ZEB1: variants seen among roughly 807,000 people sequenced by gnomAD.
ZEB1 encodes zinc finger E-box-binding homeobox 1.
In ZEB1, 21 loss-of-function variants were observed where a neutral mutation model predicts 84.9. The ratio of observed to expected loss-of-function variants is 0.25; its 90% confidence interval spans 0.18 to 0.36. The LOEUF (loss-of-function observed/expected upper bound fraction) is 0.36. ZEB1 is among the 10% of genes least tolerant of loss of function. ZEB1 has a pLI of 1.00. For missense variants in ZEB1, 1,104 were observed against 1,330.2 expected (o/e 0.83, Z 2.65); for synonymous variants, 420 against 471.1 (o/e 0.89, Z 1.41).
intron 1 of ZEB1, among the ~76,000 whole-genome samples, chr10:31,334,883 C>T (rs997807692): frequency 2.6e-5 from 4 of 152,056 alleles, no homozygotes; most frequent in Non-Finnish European, 5.9e-5. Flanking sequence ...GAAAAATATT[C>T]TTACAAAGAA....
At chr10:31,475,218 GA>G (rs201712107) in intron 2 of ZEB1, among the ~76,000 whole-genome samples, 14,961 of 138,634 alleles carry the variant, frequency 0.11, 2,162 homozygotes, top group African/African-American at 0.34. Context: ...AATAATAAAA[GA>G]AAAAAAAAAA....
intron 4 of ZEB1, among the ~76,000 whole-genome samples, chr10:31,508,082 C>T (rs1827172750): frequency 6.6e-6 from 1 of 152,030 alleles, no homozygotes; most frequent in Non-Finnish European, 1.5e-5. Context: ...CCGTGATTTC[C>T]TCGTTGGCTT....
At chr10:31,325,681 A>G (rs2035318305) in intron 1 of ZEB1, among the ~76,000 whole-genome samples, 1 of 151,892 alleles carries the variant, frequency 6.6e-6, no homozygotes, top group Non-Finnish European at 1.5e-5. Context: ...TCAGATTTAA[A>G]ATTAAATGTG....
chr10:31,479,051 A>T (rs2138371952), intron 2 of ZEB1, among the ~76,000 whole-genome samples: 1 of 151,916 alleles, frequency 6.6e-6, no homozygotes, highest in South Asian at 2.1e-4. Context: ...ATTTATAAGG[A>T]AAAGGGTACA....
At chr10:31,380,168 C>A (rs986803199) in intron 1 of ZEB1, among the ~76,000 whole-genome samples, 1 of 151,720 alleles carries the variant, frequency 6.6e-6, no homozygotes, top group Non-Finnish European at 1.5e-5. Context: ...CACCCCCAAA[C>A]CCCCTTCTTC....
In ZEB1 at chr10:31,392,321, A is replaced by G. The variant is rs1590762442; in HGVS notation, c.59-68716A>G. Among the ~76,000 whole-genome samples the G allele has an allele frequency of 2.0e-5, 3 of 152,318 alleles. No individual in the cohort carries two copies. The East Asian group carries it at 5.8e-4, about 29-fold the overall frequency. ...AACTAAAACTCAAGAAAATAGGTGA[A>G]TAATGTTATTTTTATATTTCCAGAA... On this transcript the variant is annotated intron_variant, in intron 1 of 8. Coordinates refer to ENST00000424869, the MANE Select transcript of ZEB1 (RefSeq NM_001174096.2).
intron 2 of ZEB1, among the ~76,000 whole-genome samples, chr10:31,462,327 A>G (rs2061911685): frequency 6.6e-6 from 1 of 152,164 alleles, no homozygotes; most frequent in Non-Finnish European, 1.5e-5. Flanking sequence ...CCATTCAGCA[A>G]CCTCTGTAGA....
rs1045518265 is a variant in ZEB1 at position 31,386,763 on chromosome 10, C to T, written c.58+67471C>T. Reference sequence around the variant, plus strand: ...AAATACAAAGGGAGGACAGAATTTCCGCTGGCTCTAACCCATTGCTTTTTA... The same window carrying T: ...AAATACAAAGGGAGGACAGAATTTCTGCTGGCTCTAACCCATTGCTTTTTA... On this transcript the variant is annotated intron_variant, in intron 1 of 8. Transcript: ENST00000424869. 3.3e-5 allele frequency among the ~76,000 whole-genome samples: 5 copies of T among 152,224 alleles called. No homozygotes were observed. In the East Asian group the frequency reaches 7.7e-4, roughly 23 times the overall value.
intron 1 of ZEB1, among the ~76,000 whole-genome samples, chr10:31,390,352 C>T (rs1254491804): frequency 2.0e-5 from 3 of 152,094 alleles, no homozygotes; most frequent in African/African-American, 4.8e-5. Flanking sequence ...AAAAATCAGC[C>T]TGTAAACTAG....
chr10:31,406,506 G>A (rs753908032), intron 1 of ZEB1, among the ~76,000 whole-genome samples: 2 of 151,574 alleles, frequency 1.3e-5, no homozygotes, highest in Non-Finnish European at 2.9e-5. Flanking sequence ...TTTGAGAAGT[G>A]TCTGTTAATA....
At chr10:31,339,131 T>G (rs1164739072) in intron 1 of ZEB1, among the ~76,000 whole-genome samples, 2 of 152,156 alleles carry the variant, frequency 1.3e-5, no homozygotes, top group Non-Finnish European at 2.9e-5. Context: ...GAGCATTTAC[T>G]GTAGAAGTTC....
intron 2 of ZEB1, among the ~76,000 whole-genome samples, chr10:31,495,084 A>G (rs973415840): frequency 1.3e-5 from 2 of 152,048 alleles, no homozygotes; most frequent in Admixed American, 1.3e-4. Context: ...AGTGTGATGG[A>G]AAGTGGGCTT....
intron 1 of ZEB1, among the ~76,000 whole-genome samples, chr10:31,383,117 C>G (rs934996224): frequency 3.3e-4 from 50 of 151,412 alleles, no homozygotes; most frequent in African/African-American, 1.2e-3. Flanking sequence ...AAATGCCCAG[C>G]TTAAAAACTA....
intron 1 of ZEB1, among the ~76,000 whole-genome samples, chr10:31,350,538 C>T (rs1160561477): frequency 6.6e-6 from 1 of 152,156 alleles, no homozygotes; most frequent in African/African-American, 2.4e-5. Flanking sequence ...TAAATCTCAA[C>T]AGCACTCACC....
chr10:31,509,498 A>C (rs557059532), intron 4 of ZEB1, among the ~76,000 whole-genome samples: 1 of 152,208 alleles, frequency 6.6e-6, no homozygotes, highest in African/African-American at 2.4e-5. Flanking sequence ...TTACCTCATT[A>C]TTTTGGTTTT....
In ZEB1 at chr10:31,321,134, C is replaced by T. The variant is rs1040100297; in HGVS notation, c.58+1842C>T. The T allele has an allele frequency of 4.5e-5, 47 of 1,033,300 alleles. No individual in the cohort carries two copies. The East Asian group carries it at 3.8e-3, about 83-fold the overall frequency. 64.0% of individuals were successfully genotyped at this position (1,033,300 alleles called of 1,614,324 possible). Reference sequence around the variant, plus strand: ...GCCCCACCCCCCGCGCCTGGGCTCCCTTTCTCCCTCCCCTCTGGGATGCGA... The same window carrying T: ...GCCCCACCCCCCGCGCCTGGGCTCCTTTTCTCCCTCCCCTCTGGGATGCGA... On this transcript the variant is annotated intron_variant, in intron 1 of 8. Transcript: ENST00000424869.
At chr10:31,370,444 T>G (rs1360092705) in intron 1 of ZEB1, among the ~76,000 whole-genome samples, 1 of 152,162 alleles carries the variant, frequency 6.6e-6, no homozygotes, top group Admixed American at 6.5e-5. Flanking sequence ...TTCTAGGGAA[T>G]TACCATTTTT....
At chr10:31,440,765 G>C (rs750314950) in intron 1 of ZEB1, among the ~76,000 whole-genome samples, 1 of 152,116 alleles carries the variant, frequency 6.6e-6, no homozygotes, top group Admixed American at 6.5e-5. Flanking sequence ...ACCAATAACA[G>C]ACAAACAGAA....
At chr10:31,450,602 C>T (rs575473121) in intron 1 of ZEB1, among the ~76,000 whole-genome samples, 2 of 152,090 alleles carry the variant, frequency 1.3e-5, no homozygotes, top group Admixed American at 1.3e-4. Flanking sequence ...TCATTGTTAA[C>T]TAATGATGAA....
Sources: gnomAD v4.1 joint callset for allele counts (sites outside exome capture counted in the v4.1 genomes callset) on GRCh38, gnomAD v4.1.1 for gene constraint, MANE v1.5 for transcripts, NCBI Gene and HGNC (gene_info 2026-07-23, HGNC 2026-07-21) for gene names.